The following ZC3HC1 variants were observed in gnomAD, a reference collection of about 807,000 sequenced individuals.
ZC3HC1 encodes the protein zinc finger C3HC-type containing 1.
ZC3HC1 carries 38 observed loss-of-function variants against 61.9 expected under a neutral mutation model. That is an observed-to-expected ratio of 0.61 (90% CI 0.47 to 0.81). The LOEUF (loss-of-function observed/expected upper bound fraction) is 0.81. Ranked by LOEUF, ZC3HC1 falls within the 30% of genes least tolerant of loss-of-function variation. ZC3HC1 has a pLI of 0.00. For missense variants in ZC3HC1, 554 were observed against 622.7 expected, an observed-to-expected ratio of 0.89 and a Z score of 1.17; for synonymous variants, 213 against 229.9, an observed-to-expected ratio of 0.93 and a Z score of 0.67.
chr7:130,034,716 C>T (rs1354068428), intron 4 of ZC3HC1, among the ~76,000 whole-genome samples: 3 of 152,048 alleles, frequency 2.0e-5, no homozygotes, highest in Non-Finnish European at 4.4e-5. Context: ...GTCCCAAACT[C>T]CTGGCCGCAA....
intron 2 of ZC3HC1, among the ~76,000 whole-genome samples, chr7:130,048,576 A>C (rs1794955237): frequency 6.6e-6 from 1 of 152,204 alleles, no homozygotes; most frequent in African/African-American, 2.4e-5. Context: ...GAAAATCTAG[A>C]AAGAGACATT....
Position 130,023,404 on chromosome 7 carries a change from T to G in ZC3HC1, c.1233+107A>C. On this transcript the variant is annotated intron_variant, in intron 8 of 9. Transcript: ENST00000358303. The surrounding 1 kb of genome is among the most constrained non-coding windows in gnomAD (Gnocchi z 4.2). ...TTTAAATTTATTCACATGGTCTACT[T>G]TTTGCATTGGACCACGGAAGGGCTC... 9.3e-7 allele frequency: 1 copy of G among 1,074,156 alleles called. No homozygotes were observed. The highest frequency in any genetic ancestry group is 1.4e-6 in the Non-Finnish European group (1 of 736,742). The allele number at this position is 1,074,156 out of a possible 1,614,324, so 66.5% of individuals were successfully genotyped here.
In ZC3HC1 at chr7:130,040,986, C is replaced by T; in HGVS notation, c.374G>A (p.Cys125Tyr). 1 of 1,612,704 alleles carries T rather than the reference C, an allele frequency of 6.2e-7. No individual in the cohort carries two copies. Among genetic ancestry groups the T allele is most frequent in the East Asian group, 2.2e-5 (1 of 44,874 alleles). Residue 125 changes from cysteine (C) to tyrosine (Y), a missense_variant, in exon 3 of 10, where the codon TGT becomes TAT. Transcript: ENST00000358303. ...LKCSSCQAFL[C>Y]ASLQPAFDFD... ...GTCAAAAGCTGGTTGTAAACTGGCA[C>T]AGAGAAAAGCTTGACAGCTAGAGCA...
intron 4 of ZC3HC1, among the ~76,000 whole-genome samples, chr7:130,029,268 G>T (rs1042006042): frequency 7.9e-5 from 12 of 152,060 alleles, no homozygotes; most frequent in African/African-American, 2.7e-4. Flanking sequence ...CAGCTACTCG[G>T]GAGGCTAAGA....
chr7:130,040,251 T>C (rs1240965569), intron 3 of ZC3HC1, among the ~76,000 whole-genome samples: 5 of 137,270 alleles, frequency 3.6e-5, no homozygotes, highest in Non-Finnish European at 6.2e-5. Context: ...TCCCAGCACT[T>C]TGGGAGGCTG....
At position 130,023,375 on chromosome 7, in the gene ZC3HC1, C is replaced by T. The variant is rs1329673515; in HGVS notation, c.1233+136G>A. 8 of 855,834 alleles carry T rather than the reference C, an allele frequency of 9.3e-6. No homozygotes were observed. The highest frequency in any genetic ancestry group is 1.4e-5 in the Non-Finnish European group (8 of 556,580). The allele number at this position is 855,834 out of a possible 1,614,324, so 53.0% of individuals were successfully genotyped here. A position where few individuals can be genotyped will look rare whatever the true frequency, so the allele number is the denominator to read the frequency against. On this transcript the variant is annotated intron_variant, in intron 8 of 9. Transcript: ENST00000358303. The surrounding 1 kb of genome is among the most constrained non-coding windows in gnomAD (Gnocchi z 4.2). ...CTGACATTTTTTCCCTTTGGTCATCCAACTTTAAATTTATTCACATGGTCT... is the reference window on the plus strand; with the variant it reads ...CTGACATTTTTTCCCTTTGGTCATCTAACTTTAAATTTATTCACATGGTCT...
intron 6 of ZC3HC1, among the ~76,000 whole-genome samples, chr7:130,025,372 C>T (rs1358047936): frequency 1.3e-5 from 2 of 151,022 alleles, no homozygotes. Context: ...GGAGTCTATG[C>T]CAAATTGAGC....
At chr7:130,020,268 T>C (rs1220210990) in intron 9 of ZC3HC1, among the ~76,000 whole-genome samples, 1 of 151,460 alleles carries the variant, frequency 6.6e-6, no homozygotes, top group East Asian at 1.9e-4. Context: ...TAGTATACAC[T>C]TTTTTCTTTT....
rs1794633905 is a variant in ZC3HC1, at chr7:130,040,935, T to C, written c.409+16A>G. 1 of 1,599,426 alleles carries C rather than the reference T, an allele frequency of 6.3e-7. No individual in the cohort carries two copies. The highest frequency in any genetic ancestry group is 8.5e-7 in the Non-Finnish European group (1 of 1,175,188). On this transcript the variant is annotated intron_variant, in intron 3 of 9. Transcript: ENST00000358303. ...TTTGAGTGTGGAGAAAAATGTAATT[T>C]GTACCTTATACTTACATCTGTCAAA...
chr7:130,033,882 A>G (rs534736915), intron 4 of ZC3HC1, among the ~76,000 whole-genome samples: 2 of 152,300 alleles, frequency 1.3e-5, no homozygotes, highest in African/African-American at 4.8e-5. Flanking sequence ...CCTTTTAATC[A>G]CAGTAGACTA....
chr7:130,023,760 A>C lies in ZC3HC1; in HGVS notation c.1021-37T>G. 1 of 1,476,862 alleles carries C rather than the reference A, an allele frequency of 6.8e-7. No homozygotes were observed. The allele number at this position is 1,476,862 out of a possible 1,614,324, so 91.5% of individuals were successfully genotyped here. A position where few individuals can be genotyped will look rare whatever the true frequency, so the allele number is the denominator to read the frequency against. Reference sequence around the variant, plus strand: ...GGGAGATAATGGAAGTACACGAATGATATTAATGATTATGGTCAGAAATAC... The same window carrying C: ...GGGAGATAATGGAAGTACACGAATGCTATTAATGATTATGGTCAGAAATAC... On this transcript the variant is annotated intron_variant, in intron 7 of 9. Coordinates refer to ENST00000358303, the MANE Select transcript of ZC3HC1 (RefSeq NM_016478.5). The surrounding 1 kb of genome is among the most constrained non-coding windows in gnomAD (Gnocchi z 4.2).
At position 130,028,990 on chromosome 7, in the gene ZC3HC1, A is replaced by G; in HGVS notation, c.533T>C (p.Leu178Pro). Residue 178 changes from leucine to proline, a missense_variant, in exon 5 of 10, where the codon CTT (leucine) becomes CCT (proline). Physicochemically the swap from Leu to Pro is moderately conservative, Grantham distance 98. Transcript: ENST00000358303. The part of the protein sequence containing the change: ...GMLPLDEPAI[L>P]VSEFLDRFQS... Reference sequence around the variant, plus strand: ...AAAACGATCTAGGAATTCACTAACAAGAATAGCAGGCTCATCCAGGGGCAA... The same window carrying G: ...AAAACGATCTAGGAATTCACTAACAGGAATAGCAGGCTCATCCAGGGGCAA... 1 of 1,613,788 alleles carries G rather than the reference A, an allele frequency of 6.2e-7. No homozygotes were observed. Among genetic ancestry groups the G allele is most frequent in the Non-Finnish European group, 8.5e-7 (1 of 1,179,768 alleles).
chr7:130,050,287 C>T (rs1795026639), intron 1 of ZC3HC1, among the ~76,000 whole-genome samples: 1 of 152,040 alleles, frequency 6.6e-6, no homozygotes, highest in South Asian at 2.1e-4. Context: ...CCGTGTTAGC[C>T]AGGATGGTCT....
intron 2 of ZC3HC1, chr7:130,043,932 G>A: frequency 7.0e-6 from 3 of 428,118 alleles, no homozygotes; most frequent in East Asian, 7.3e-5. Flanking sequence ...AATATGGGAG[G>A]GAAAAATAGG....
chr7:130,044,203 A>T (rs141633094), intron 2 of ZC3HC1, among the ~76,000 whole-genome samples: 2,383 of 152,222 alleles, frequency 0.016, 34 homozygotes, highest in Middle Eastern at 0.024. Flanking sequence ...TCATGCATTT[A>T]TATAGAGACA....
chr7:130,039,427 G>T, intron 4 of ZC3HC1, 37 bp downstream of exon 4: 1 of 1,533,384 alleles, frequency 6.5e-7, no homozygotes, highest in Non-Finnish European at 8.9e-7. Context: ...CAATGATGAA[G>T]GAAAAATGGT....
chr7:130,027,242 G>T (rs546950962), intron 5 of ZC3HC1: 2 of 152,206 alleles, frequency 1.3e-5, no homozygotes, highest in South Asian at 4.1e-4. Context: ...TAGGGACAGG[G>T]TTATATTCAT....
intron 4 of ZC3HC1, 68 bp from the exon 5 acceptor site, chr7:130,029,097 A>G (rs1406361250): frequency 3.3e-6 from 5 of 1,498,336 alleles, no homozygotes; most frequent in Non-Finnish European, 3.6e-6. Context: ...ACGGCTGGGC[A>G]TGGTGGCTCA....
At chr7:130,030,401 T>C (rs1357695521) in intron 4 of ZC3HC1, among the ~76,000 whole-genome samples, 3 of 152,050 alleles carry the variant, frequency 2.0e-5, no homozygotes, top group Non-Finnish European at 4.4e-5. Context: ...GGTTTCATCA[T>C]GTTGGCCAGG....
Sources: allele counts gnomAD v4.1 joint callset (sites outside exome capture counted in the v4.1 genomes callset), GRCh38; gene constraint gnomAD v4.1.1; non-coding constraint Gnocchi (gnomAD v3.1); transcripts MANE v1.5; gene names NCBI Gene and HGNC (gene_info 2026-07-23, HGNC 2026-07-21).